The following ABCA12 variants were observed in gnomAD, a reference collection of about 807,000 sequenced individuals.
The protein encoded by ABCA12 is ATP binding cassette subfamily A member 12.
In ABCA12, 156 loss-of-function variants were observed where a neutral mutation model predicts 293.5. That is an observed-to-expected ratio of 0.53 (90% CI 0.47 to 0.61). The LOEUF is 0.61. ABCA12 is among the 20% of genes least tolerant of loss of function. The pLI is 0.00. For missense variants in ABCA12, 2,797 were observed against 3,090.2 expected (o/e 0.91, Z 2.25); for synonymous variants, 1,063 against 1,108.0 (o/e 0.96, Z 0.81).
intron 2 of ABCA12, among the ~76,000 whole-genome samples, chr2:215,101,384 C>T (rs1431492094): frequency 1.3e-5 from 2 of 152,142 alleles, no homozygotes; most frequent in African/African-American, 2.4e-5. Context: ...CACTCACCAC[C>T]ACCTCCAACT....
At chr2:215,113,163 A>G (rs1300040510) in intron 1 of ABCA12, among the ~76,000 whole-genome samples, 1 of 152,148 alleles carries the variant, frequency 6.6e-6, no homozygotes, top group Non-Finnish European at 1.5e-5. Context: ...AACCCCATGA[A>G]TTACTGATCC....
chr2:214,942,838 G>A (rs1698449929), intron 50 of ABCA12, 87 bp downstream of exon 50: 4 of 1,144,152 alleles, frequency 3.5e-6, no homozygotes, highest in Non-Finnish European at 3.9e-6. Flanking sequence ...TTACTACTTA[G>A]GCTGCTGAGA....
chr2:214,937,144 G>A (rs1379034723), intron 51 of ABCA12, among the ~76,000 whole-genome samples: 1 of 152,130 alleles, frequency 6.6e-6, no homozygotes, highest in Non-Finnish European at 1.5e-5. Context: ...ATCAAAACTA[G>A]TGAAGATCAA....
chr2:215,060,493 T>A (rs1204457372), intron 3 of ABCA12, among the ~76,000 whole-genome samples: 4 of 152,076 alleles, frequency 2.6e-5, no homozygotes, highest in African/African-American at 9.7e-5. Context: ...TATGTTCCAA[T>A]TCATGTATCT....
At chr2:215,015,187 C>A (rs1700464730) in intron 15 of ABCA12, among the ~76,000 whole-genome samples, 1 of 151,870 alleles carries the variant, frequency 6.6e-6, no homozygotes, top group East Asian at 1.9e-4. Flanking sequence ...GCAACATTTG[C>A]ATTTAACACT....
chr2:215,063,941 C>A (rs1202581827), intron 3 of ABCA12, 125 bp downstream of exon 3: 5 of 1,144,608 alleles, frequency 4.4e-6, no homozygotes, highest in South Asian at 1.3e-5. Context: ...ATATTTAGAT[C>A]ATCACATTTA....
At chr2:214,975,068 G>A (rs1054006795) in intron 34 of ABCA12, among the ~76,000 whole-genome samples, 17 of 152,158 alleles carry the variant, frequency 1.1e-4, no homozygotes, top group African/African-American at 2.7e-4. Flanking sequence ...GGGTTCAAGC[G>A]ATGCTTATAC....
At position 215,052,561 on chromosome 2, in the gene ABCA12, A is replaced by C. The variant is rs757533969; in HGVS notation, c.433T>G (p.Ser145Ala). 3 of 1,612,452 alleles carry C rather than the reference A, an allele frequency of 1.9e-6. No individual in the cohort carries two copies. Among genetic ancestry groups the C allele is most frequent in the Non-Finnish European group, 2.5e-6 (3 of 1,178,904 alleles). The stretch of plus-strand genomic sequence containing the variant: ...TATGTTCCGGGGATTTCCAAATCAG[A>C]ACTTGGACTGGGAAATACTGTGGCT... ...SLATVFPSPS[S>A]DLEIPGTYTF... The change falls in exon 5 of 53, where the codon TCT becomes GCT. Residue 145 changes from serine to alanine, a missense_variant. Physicochemically the swap from Ser to Ala is moderately conservative, Grantham distance 99. Coordinates refer to ENST00000272895, the MANE Select transcript of ABCA12 (RefSeq NM_173076.3).
chr2:215,134,527 CGTATATATGTACATATATACGTATAT>C (rs1166559754), intron 1 of ABCA12, among the ~76,000 whole-genome samples: 3 of 126,250 alleles, frequency 2.4e-5, no homozygotes, highest in Non-Finnish European at 5.0e-5. Context: ...TGTATATATA[CGTATATATGTACATATATACGTATAT>C]GTATATATGT....
At chr2:214,981,916 C>T (rs939236502) in intron 30 of ABCA12, among the ~76,000 whole-genome samples, 20 of 148,288 alleles carry the variant, frequency 1.3e-4, no homozygotes, top group Admixed American at 1.3e-4. Flanking sequence ...TAGGACTACA[C>T]ATGCCAGCCA....
At chr2:215,101,994 T>C (rs186092200) in intron 2 of ABCA12, among the ~76,000 whole-genome samples, 1 of 152,256 alleles carries the variant, frequency 6.6e-6, no homozygotes, top group Admixed American at 6.5e-5. Context: ...AACTATTGTC[T>C]AGTCCCAATG....
chr2:214,976,115 A>G lies in ABCA12; in HGVS notation c.5129-78T>C. ...AAAATAACTTCAGAAACTATATATAAATGGTATAATACACTGTGGTGGGAA... is the reference window on the plus strand; with the variant it reads ...AAAATAACTTCAGAAACTATATATAGATGGTATAATACACTGTGGTGGGAA... On this transcript the variant is annotated intron_variant, in intron 33 of 52. Coordinates refer to ENST00000272895, the MANE Select transcript of ABCA12 (RefSeq NM_173076.3). The G allele has an allele frequency of 1.9e-6, 3 of 1,551,196 alleles. No homozygotes were observed. In the South Asian group the frequency reaches 3.5e-5, roughly 18 times the overall value.
chr2:215,135,876 C>T (rs2105923973), intron 1 of ABCA12, among the ~76,000 whole-genome samples: 1 of 152,236 alleles, frequency 6.6e-6, no homozygotes, highest in South Asian at 2.1e-4. Flanking sequence ...TTTTTCCCAA[C>T]ATGGAGAGAC....
intron 24 of ABCA12, among the ~76,000 whole-genome samples, chr2:214,990,205 T>G (rs921665041): frequency 1.3e-5 from 2 of 152,210 alleles, no homozygotes; most frequent in Non-Finnish European, 2.9e-5. Context: ...CAGTCAGTAA[T>G]CTTAATGCTT....
intron 23 of ABCA12, among the ~76,000 whole-genome samples, chr2:214,996,385 A>C (rs1700033352): frequency 1.3e-5 from 2 of 152,140 alleles, no homozygotes; most frequent in Non-Finnish European, 2.9e-5. Context: ...TTTTAAAGGT[A>C]GGTATTAATT....
At chr2:215,093,597 C>T (rs890557992) in intron 2 of ABCA12, among the ~76,000 whole-genome samples, 2 of 152,252 alleles carry the variant, frequency 1.3e-5, no homozygotes, top group East Asian at 3.9e-4. Context: ...GGCTGGACCT[C>T]ATGTCTGCGT....
intron 33 of ABCA12, among the ~76,000 whole-genome samples, chr2:214,976,485 AC>A (rs915040802): frequency 9.2e-5 from 14 of 152,142 alleles, no homozygotes; most frequent in African/African-American, 3.4e-4. Context: ...ACCTAATCTA[AC>A]AATTTGTTCC....
chr2:214,955,341 A>C lies in ABCA12; in HGVS notation c.6254T>G (p.Met2085Arg), dbSNP rs769546875. The C allele has an allele frequency of 6.2e-7, 1 of 1,614,146 alleles. No homozygotes were observed. The highest frequency in any genetic ancestry group is 8.5e-7 in the Non-Finnish European group (1 of 1,180,000). The stretch of plus-strand genomic sequence containing the variant: ...ATGGAAGAGCCCAGCCAGCAAGTAC[A>C]TCCAGGAAAATGTTGCATACCTGCA... ...LLFGYATFSW[M>R]YLLAGLFHET... Residue 2085 changes from methionine to arginine, a missense_variant, in exon 43 of 53, where the codon ATG becomes AGG. Physicochemically the swap from Met to Arg is moderately conservative, Grantham distance 91. Transcript: ENST00000272895.
intron 15 of ABCA12, among the ~76,000 whole-genome samples, chr2:215,012,614 A>G (rs879374422): frequency 6.6e-6 from 1 of 152,224 alleles, no homozygotes; most frequent in Non-Finnish European, 1.5e-5. Flanking sequence ...AAAATAGATT[A>G]GAAGTTGCTT....
Sources: allele counts gnomAD v4.1 joint callset (sites outside exome capture counted in the v4.1 genomes callset), GRCh38; gene constraint gnomAD v4.1.1; transcripts MANE v1.5; gene names NCBI Gene and HGNC (gene_info 2026-07-23, HGNC 2026-07-21).